The following TTC27 variants were observed in gnomAD, a reference collection of about 807,000 sequenced individuals.
TTC27 encodes the protein tetratricopeptide repeat protein 27.
A neutral mutation model predicts 115.9 loss-of-function variants in TTC27; 79 were observed. The observed-to-expected ratio is 0.68, with a 90% confidence interval of 0.57 to 0.82. The LOEUF is 0.82. Ranked by LOEUF, TTC27 falls within the 40% of genes least tolerant of loss-of-function variation. The pLI, the probability that TTC27 is intolerant of heterozygous loss-of-function variation, is 0.00. For missense variants in TTC27, 1,054 were observed against 993.1 expected (o/e 1.06, Z -0.82); for synonymous variants, 401 against 356.0 (o/e 1.13, Z -1.42).
intron 9 of TTC27, among the ~76,000 whole-genome samples, chr2:32,694,883 T>G (rs1666932975): frequency 6.6e-6 from 1 of 151,954 alleles, no homozygotes; most frequent in African/African-American, 2.4e-5. Flanking sequence ...CTTGCTGTGT[T>G]GCTTAGGCTG....
At chr2:32,636,619 G>A (rs1664438799) in intron 3 of TTC27, among the ~76,000 whole-genome samples, 1 of 152,204 alleles carries the variant, frequency 6.6e-6, no homozygotes, top group South Asian at 2.1e-4. Context: ...GAGATCTGTA[G>A]CTGGGGCATT....
chr2:32,724,553 A>C (rs138836552), intron 10 of TTC27, among the ~76,000 whole-genome samples: 1 of 152,176 alleles, frequency 6.6e-6, no homozygotes, highest in Non-Finnish European at 1.5e-5. Context: ...TTATTTTGTC[A>C]TCTTTACCCT....
At chr2:32,800,480 C>T (rs2148035501) in intron 16 of TTC27, among the ~76,000 whole-genome samples, 1 of 151,142 alleles carries the variant, frequency 6.6e-6, no homozygotes, top group South Asian at 2.1e-4. Flanking sequence ...TGCACCTGAT[C>T]CTTTATTTTT....
At chr2:32,743,753 A>G (rs886985773) in intron 12 of TTC27, among the ~76,000 whole-genome samples, 1 of 152,196 alleles carries the variant, frequency 6.6e-6, no homozygotes, top group African/African-American at 2.4e-5. Flanking sequence ...AGGGCATGTG[A>G]AATTCAGATT....
At chr2:32,757,346 A>G (rs1169810674) in intron 12 of TTC27, among the ~76,000 whole-genome samples, 2 of 152,196 alleles carry the variant, frequency 1.3e-5, no homozygotes, top group Non-Finnish European at 2.9e-5. Flanking sequence ...GCCACCTGAT[A>G]TCATTAAGTA....
rs371353125 is a variant in TTC27, at chr2:32,660,602, C to T, written c.641-3701C>T. Among the ~76,000 whole-genome samples, 35 of 152,056 alleles carry T rather than the reference C, an allele frequency of 2.3e-4. No homozygotes were observed. In the East Asian group the frequency reaches 4.1e-3, roughly 18 times the overall value. On this transcript the variant is annotated intron_variant, in intron 5 of 19. Transcript: ENST00000317907. ...TCATGGGGGGTGGGGGACTAGGGGA[C>T]ACTTTTTGATGGAGTTGTGTTTTTC...
chr2:32,661,019 A>G (rs963915242), intron 5 of TTC27, among the ~76,000 whole-genome samples: 33 of 152,214 alleles, frequency 2.2e-4, no homozygotes, highest in African/African-American at 8.0e-4. Flanking sequence ...CATTTATTAA[A>G]TAGGGAATCC....
rs5830238 is a variant in TTC27, at chr2:32,676,493, G to GTTTT, written c.1053-2351_1053-2348dup. Among the ~76,000 whole-genome samples, 45 of 133,890 alleles carry GTTTT rather than the reference G, an allele frequency of 3.4e-4. 2 individuals carry two copies. Among genetic ancestry groups the GTTTT allele is most frequent in the Non-Finnish European group, 5.6e-4 (36 of 64,420 alleles). The allele number at this position is 133,890 out of a possible 152,430, so 87.8% of individuals were successfully genotyped here. A position where few individuals can be genotyped will look rare whatever the true frequency, so the allele number is the denominator to read the frequency against. On this transcript the variant is annotated intron_variant, in intron 8 of 19. Transcript: ENST00000317907. ...TAAGACAGTGTTTTCTTTTCATTCT[G>GTTTT]TTTTTTTTTTTTTTTGGAGATGGAT...
At chr2:32,797,009 C>T (rs1041814984) in intron 16 of TTC27, among the ~76,000 whole-genome samples, 4 of 151,018 alleles carry the variant, frequency 2.6e-5, no homozygotes, top group African/African-American at 9.7e-5. Context: ...CCCATCTCTA[C>T]AAAAAAATAC....
chr2:32,652,975 C>G (rs1336181636), intron 5 of TTC27, among the ~76,000 whole-genome samples: 3 of 152,082 alleles, frequency 2.0e-5, no homozygotes, highest in African/African-American at 7.2e-5. Context: ...GTCAACATAA[C>G]TTTGCTGGGC....
chr2:32,783,001 G>C (rs1292622721), intron 15 of TTC27, among the ~76,000 whole-genome samples: 1 of 152,196 alleles, frequency 6.6e-6, no homozygotes, highest in Non-Finnish European at 1.5e-5. Flanking sequence ...TCAGTTGACA[G>C]TTATTTTTAT....
intron 16 of TTC27, among the ~76,000 whole-genome samples, chr2:32,806,982 G>T (rs1671153188): frequency 6.6e-6 from 1 of 152,064 alleles, no homozygotes; most frequent in Non-Finnish European, 1.5e-5. Context: ...GTAAACATAA[G>T]AATTTTTTCT....
At chr2:32,758,056 C>T (rs1330784417) in intron 12 of TTC27, among the ~76,000 whole-genome samples, 2 of 152,138 alleles carry the variant, frequency 1.3e-5, no homozygotes, top group African/African-American at 2.4e-5. Flanking sequence ...TGCTTTATTG[C>T]AGTATTCACT....
intron 16 of TTC27, among the ~76,000 whole-genome samples, chr2:32,803,776 A>G (rs1671039057): frequency 6.6e-6 from 1 of 152,116 alleles, no homozygotes; most frequent in Middle Eastern, 3.2e-3. Flanking sequence ...TTGGGAGGCT[A>G]AGATTGGTGG....
chr2:32,636,825 C>T (rs1664446507), intron 3 of TTC27, among the ~76,000 whole-genome samples: 1 of 152,076 alleles, frequency 6.6e-6, no homozygotes, highest in Admixed American at 6.6e-5. Flanking sequence ...TGGAAGTGGA[C>T]CTTGAGCTAG....
chr2:32,650,812 A>G (rs924517217), intron 5 of TTC27, among the ~76,000 whole-genome samples: 2 of 152,234 alleles, frequency 1.3e-5, no homozygotes, highest in African/African-American at 4.8e-5. Context: ...ACATGCAGAA[A>G]AATACCTAAA....
chr2:32,678,629 T>G (rs972950621), intron 8 of TTC27, among the ~76,000 whole-genome samples: 4 of 151,892 alleles, frequency 2.6e-5, no homozygotes, highest in South Asian at 2.1e-4. Context: ...GGGTTTCACC[T>G]TGTTAGCCAG....
At chr2:32,638,558 T>C (rs1559181278) in intron 3 of TTC27, among the ~76,000 whole-genome samples, 1 of 152,092 alleles carries the variant, frequency 6.6e-6, no homozygotes, top group Non-Finnish European at 1.5e-5. Context: ...TTTGTATTTT[T>C]AGTAGAGATG....
At chr2:32,776,798 G>A (rs2006945) in intron 13 of TTC27, among the ~76,000 whole-genome samples, 14,282 of 151,922 alleles carry the variant, frequency 0.094, 777 homozygotes, top group Middle Eastern at 0.23. Flanking sequence ...TAGTTGAGAC[G>A]GGGGCTTCAC....
Sources: gnomAD v4.1 joint callset for allele counts (sites outside exome capture counted in the v4.1 genomes callset) on GRCh38, gnomAD v4.1.1 for gene constraint, MANE v1.5 for transcripts, NCBI Gene and HGNC (gene_info 2026-07-23, HGNC 2026-07-21) for gene names.